Variants in MMP26 observed in about 807,000 individuals in gnomAD.
The protein encoded by MMP26 is matrix metallopeptidase 26.
In MMP26, 33 loss-of-function variants were observed where a neutral mutation model predicts 31.0. The observed-to-expected ratio is 1.06, with a 90% CI of 0.81 to 1.42. MMP26 has a LOEUF of 1.42. Ranked by LOEUF, MMP26 falls within the 40% of genes most tolerant of loss-of-function variation. The probability of loss-of-function intolerance (pLI) is 0.00; values close to 1 mark genes in which losing one functional copy is unlikely to be tolerated. For synonymous variants in MMP26, 122 were observed against 114.9 expected, an observed-to-expected ratio of 1.06 and a Z score of -0.40; for missense variants, 347 against 316.1, an observed-to-expected ratio of 1.10 and a Z score of -0.74.
intron 2 of MMP26, among the ~76,000 whole-genome samples, chr11:4,856,142 G>GACA (rs1850048852): frequency 6.6e-6 from 1 of 152,116 alleles, no homozygotes; most frequent in Non-Finnish European, 1.5e-5. Flanking sequence ...GACCATCGAT[G>GACA]CTAGGAAGAA....
In MMP26 at chr11:4,856,750, C is replaced by T. The variant is rs1850059499; in HGVS notation, c.-145+89409C>T. Among the ~76,000 whole-genome samples, 5 of 152,156 alleles carry T rather than the reference C, an allele frequency of 3.3e-5. No homozygotes were observed. In the South Asian group the frequency reaches 1.0e-3, roughly 32 times the overall value. On this transcript the variant is annotated intron_variant, in intron 2 of 7. Coordinates refer to ENST00000380390, the MANE Select transcript of MMP26 (RefSeq NM_021801.5). ...ATAGACATCTACAGAACTCTCCACC[C>T]CAAATCAACAGAATACACATTCTTC... is the stretch of plus-strand genomic sequence containing the variant.
intron 1 of MMP26, among the ~76,000 whole-genome samples, chr11:4,761,817 GT>G (rs1848571833): frequency 1.3e-5 from 2 of 152,110 alleles, no homozygotes; most frequent in African/African-American, 4.8e-5. Flanking sequence ...CATAATGCCA[GT>G]TCCATAGTAC....
chr11:4,832,537 C>T (rs1024713580), intron 2 of MMP26: 1 of 152,374 alleles, frequency 6.6e-6, no homozygotes, highest in East Asian at 1.9e-4. Context: ...TAAGATATAG[C>T]TCTATTCTCA....
chr11:4,858,684 G>A (rs1487640807), intron 2 of MMP26, among the ~76,000 whole-genome samples: 6 of 152,174 alleles, frequency 3.9e-5, no homozygotes, highest in Non-Finnish European at 8.8e-5. Flanking sequence ...TCCCCATCAA[G>A]CTACCAATGG....
intron 2 of MMP26, chr11:4,924,244 G>C (rs1851235289): frequency 6.2e-7 from 1 of 1,614,194 alleles, no homozygotes; most frequent in Non-Finnish European, 8.5e-7. Flanking sequence ...TGAAGCAGAA[G>C]GGAATAGAGA....
intron 1 of MMP26, among the ~76,000 whole-genome samples, chr11:4,737,600 G>A (rs1002210236): frequency 1.9e-4 from 29 of 152,156 alleles, no homozygotes; most frequent in Non-Finnish European, 3.5e-4. Context: ...CCGAGATCAC[G>A]CCTTTGCACT....
intron 2 of MMP26, chr11:4,769,242 A>T (rs745673265): frequency 7.4e-6 from 12 of 1,613,764 alleles, no homozygotes; most frequent in Non-Finnish European, 1.0e-5. Flanking sequence ...CTGAGGACAG[A>T]GTGAATAATT....
At chr11:4,923,535 G>A (rs770029355) in intron 2 of MMP26, 1 of 1,614,144 alleles carries the variant, frequency 6.2e-7, no homozygotes, top group Admixed American at 1.7e-5. Flanking sequence ...CGGGGCAGAT[G>A]TTCACCAAAG....
At chr11:4,768,867 G>T in intron 2 of MMP26, 1 of 551,166 alleles carries the variant, frequency 1.8e-6, no homozygotes. Context: ...TTTGTTTGGT[G>T]AATGAAAAAT....
intron 2 of MMP26, chr11:4,795,195 A>G (rs1021806620): frequency 3.3e-5 from 5 of 152,364 alleles, no homozygotes; most frequent in African/African-American, 1.2e-4. Flanking sequence ...GAAGGGCAAT[A>G]TTAAATACAG....
intron 2 of MMP26, chr11:4,795,358 T>C (rs1379711335): frequency 1.3e-5 from 2 of 152,176 alleles, no homozygotes; most frequent in South Asian, 2.1e-4. Flanking sequence ...GCCCTAACAT[T>C]TGGGGGAGAA....
intron 2 of MMP26, among the ~76,000 whole-genome samples, chr11:4,948,961 G>T (rs1322424232): frequency 8.1e-6 from 1 of 124,020 alleles, no homozygotes; most frequent in Non-Finnish European, 1.8e-5. Flanking sequence ...CAGAAAGTTT[G>T]TGTATGTTTG....
chr11:4,860,311 C>T (rs1393340632), intron 2 of MMP26: 1 of 471,288 alleles, frequency 2.1e-6, no homozygotes. Context: ...CCAGTAGATG[C>T]TGAGCATGGA....
At chr11:4,907,274 C>T (rs550863286) in intron 2 of MMP26, 8 of 745,592 alleles carry the variant, frequency 1.1e-5, no homozygotes, top group Non-Finnish European at 1.3e-5. Context: ...ACGAATGAAC[C>T]CCTTATCCTC....
intron 2 of MMP26, among the ~76,000 whole-genome samples, chr11:4,959,422 C>G (rs1354257112): frequency 6.6e-6 from 1 of 152,068 alleles, no homozygotes; most frequent in Non-Finnish European, 1.5e-5. Flanking sequence ...ATTCTGTCTT[C>G]TCTTAATAAA....
chr11:4,781,607 AC>A (rs1848864583), intron 2 of MMP26, among the ~76,000 whole-genome samples: 1 of 140,718 alleles, frequency 7.1e-6, no homozygotes, highest in Non-Finnish European at 1.5e-5. Context: ...AAAAAAAAAA[AC>A]TGATTGCATA....
chr11:4,847,092 C>G (rs980221484), intron 2 of MMP26, among the ~76,000 whole-genome samples: 3 of 152,166 alleles, frequency 2.0e-5, no homozygotes, highest in African/African-American at 4.8e-5. Context: ...TAGCACTACC[C>G]CAGTACAAGA....
intron 2 of MMP26, among the ~76,000 whole-genome samples, chr11:4,820,823 A>G (rs1452035996): frequency 6.6e-6 from 1 of 152,202 alleles, no homozygotes; most frequent in Non-Finnish European, 1.5e-5. Context: ...GGATGAAATT[A>G]TATAATGCAT....
chr11:4,901,198 G>A (rs1032357390), intron 2 of MMP26, among the ~76,000 whole-genome samples: 6 of 122,168 alleles, frequency 4.9e-5, no homozygotes, highest in South Asian at 2.9e-4. Context: ...TCACTCTGTC[G>A]CCCAGTCTGG....
Sources: gnomAD v4.1 joint callset for allele counts (sites outside exome capture counted in the v4.1 genomes callset) on GRCh38, gnomAD v4.1.1 for gene constraint, MANE v1.5 for transcripts, NCBI Gene and HGNC (gene_info 2026-07-23, HGNC 2026-07-21) for gene names.